The following PBX1 variants were observed in gnomAD, a reference collection of about 807,000 sequenced individuals.
PBX1 encodes the protein PBX homeobox 1.
A neutral mutation model predicts 53.4 loss-of-function variants in PBX1; 6 were observed. That is an observed-to-expected ratio of 0.11 (90% CI 0.06 to 0.22). The LOEUF (loss-of-function observed/expected upper bound fraction) is 0.22, where lower values mean the gene tolerates loss of function less well. Ranked by LOEUF, PBX1 falls within the 10% of genes least tolerant of loss-of-function variation. The probability of loss-of-function intolerance (pLI) is 1.00; values close to 1 mark genes in which losing one functional copy is unlikely to be tolerated. For synonymous variants in PBX1, 204 were observed against 212.3 expected (o/e 0.96, Z 0.34); for missense variants, 251 against 551.4 (o/e 0.46, Z 5.46).
At chr1:164,747,507 C>G (rs1244714852) in intron 2 of PBX1, among the ~76,000 whole-genome samples, 2 of 152,050 alleles carry the variant, frequency 1.3e-5, no homozygotes, top group Non-Finnish European at 2.9e-5. Flanking sequence ...GCTAGATAGA[C>G]TTTAGGTTAG....
At chr1:164,650,324 G>A (rs1431086987) in intron 2 of PBX1, among the ~76,000 whole-genome samples, 1 of 151,760 alleles carries the variant, frequency 6.6e-6, no homozygotes, top group Non-Finnish European at 1.5e-5. Flanking sequence ...CGCCTCCCAG[G>A]TTCAATAGAT....
At chr1:164,846,105 T>C (rs554671592) in intron 8 of PBX1, among the ~76,000 whole-genome samples, 80 of 152,164 alleles carry the variant, frequency 5.3e-4, no homozygotes, top group South Asian at 1.5e-3. Flanking sequence ...GCAGAACAAA[T>C]ACCTGGAATC....
intron 2 of PBX1, among the ~76,000 whole-genome samples, chr1:164,677,130 G>C (rs940229014): frequency 3.4e-5 from 5 of 146,830 alleles, no homozygotes; most frequent in Non-Finnish European, 7.4e-5. Context: ...CTGTCGCCCA[G>C]GCCGGACTGC....
At chr1:164,611,754 C>T (rs1656949987) in intron 2 of PBX1, among the ~76,000 whole-genome samples, 1 of 152,074 alleles carries the variant, frequency 6.6e-6, no homozygotes. Context: ...GGTGACATAC[C>T]CCACAGGAAA....
chr1:164,874,751 C>T (rs1229398832), intron 2 of PBX1, among the ~76,000 whole-genome samples: 2 of 152,158 alleles, frequency 1.3e-5, no homozygotes, highest in Non-Finnish European at 2.9e-5. Context: ...GCCTTGGCCT[C>T]CCAAATTGCT....
At chr1:164,739,365 T>C (rs1049849119) in intron 2 of PBX1, among the ~76,000 whole-genome samples, 2 of 152,140 alleles carry the variant, frequency 1.3e-5, no homozygotes, top group Non-Finnish European at 2.9e-5. Flanking sequence ...CGGCTGCTGA[T>C]GTGTTACCTA....
Position 164,847,904 on chromosome 1 carries a change from C to T in PBX1, c.*1228C>T. The T allele has an allele frequency of 9.5e-7, 1 of 1,054,772 alleles. No homozygotes were observed. The highest frequency in any genetic ancestry group is 1.1e-6 in the Non-Finnish European group (1 of 872,582). 65.3% of individuals were successfully genotyped at this position (1,054,772 alleles called of 1,614,324 possible). A position where few individuals can be genotyped will look rare whatever the true frequency, so the allele number is the denominator to read the frequency against. On this transcript the variant is annotated 3_prime_UTR_variant, in exon 9 of 9. Transcript: ENST00000420696. ...GTGTAAACTACTCTTGTTCCCACCA[C>T]CTCTGGAGCACTCAGGGAGCCCCAT...
intron 2 of PBX1, among the ~76,000 whole-genome samples, chr1:164,760,941 T>C (rs2800795): frequency 0.35 from 52,873 of 152,152 alleles, 10,611 homozygotes; most frequent in Middle Eastern, 0.47. Flanking sequence ...TGTATAATCA[T>C]TGTTGTTATT....
chr1:164,746,932 G>A (rs1380290341), intron 2 of PBX1, among the ~76,000 whole-genome samples: 5 of 152,048 alleles, frequency 3.3e-5, no homozygotes, highest in Non-Finnish European at 7.4e-5. Context: ...TTTGCATATC[G>A]GGCTTCTTAG....
intron 2 of PBX1, among the ~76,000 whole-genome samples, chr1:164,675,560 T>C (rs1267451813): frequency 1.3e-5 from 2 of 152,166 alleles, no homozygotes; most frequent in African/African-American, 2.4e-5. Context: ...TGGGAACTTT[T>C]TTCATCAGTA....
At chr1:164,564,750 C>T (rs868655755) in intron 2 of PBX1, among the ~76,000 whole-genome samples, 6 of 151,906 alleles carry the variant, frequency 3.9e-5, no homozygotes, top group African/African-American at 1.4e-4. Context: ...AGAGTTTTTT[C>T]CAGTTTGTCA....
chr1:164,745,759 C>T (rs1665858668), intron 2 of PBX1, among the ~76,000 whole-genome samples: 1 of 152,234 alleles, frequency 6.6e-6, no homozygotes, highest in Non-Finnish European at 1.5e-5. Flanking sequence ...AGCCCATCTG[C>T]GATAGGACTT....
At chr1:164,823,194 T>G (rs1670246982) in intron 8 of PBX1, among the ~76,000 whole-genome samples, 1 of 152,204 alleles carries the variant, frequency 6.6e-6, no homozygotes, top group Non-Finnish European at 1.5e-5. Context: ...CTTCCCATCT[T>G]GTGCTTGTTC....
intron 2 of PBX1, among the ~76,000 whole-genome samples, chr1:164,875,666 C>T (rs1161913332): frequency 2.0e-5 from 3 of 152,100 alleles, no homozygotes; most frequent in Non-Finnish European, 2.9e-5. Context: ...CACCGGCAGG[C>T]TCAGTCACTG....
intron 2 of PBX1, among the ~76,000 whole-genome samples, chr1:164,724,003 A>G (rs970755527): frequency 6.6e-6 from 1 of 152,174 alleles, no homozygotes; most frequent in Non-Finnish European, 1.5e-5. Context: ...CTGTGGGTCT[A>G]CCTGAACACG....
intron 2 of PBX1, among the ~76,000 whole-genome samples, chr1:164,786,518 G>A (rs1310794449): frequency 6.6e-6 from 1 of 152,156 alleles, no homozygotes; most frequent in African/African-American, 2.4e-5. Flanking sequence ...ACCCAATACA[G>A]TGGCTCTAAC....
rs80276913 is a variant in PBX1 at position 164,587,542 on chromosome 1, A to AT, written c.265+24242dup. Among the ~76,000 whole-genome samples the AT allele has an allele frequency of 3.2e-4, 47 of 147,246 alleles. No homozygotes were observed. The East Asian group carries it at 4.2e-3, about 13-fold the overall frequency. On this transcript the variant is annotated intron_variant, in intron 2 of 8. Coordinates refer to ENST00000420696, the MANE Select transcript of PBX1 (RefSeq NM_002585.4). Reference sequence around the variant, plus strand: ...TTAGCTGATGATCTTTGTGTGTCTGATTTTTTTTTTTAAGAGTAAGGATGT... The same window carrying AT: ...TTAGCTGATGATCTTTGTGTGTCTGATTTTTTTTTTTTAAGAGTAAGGATGT...
intron 5 of PBX1, among the ~76,000 whole-genome samples, chr1:164,809,382 CA>C (rs1669500809): frequency 6.6e-6 from 1 of 152,208 alleles, no homozygotes; most frequent in Admixed American, 6.5e-5. Flanking sequence ...CTGTCCATGC[CA>C]AAGTCATGCC....
chr1:164,700,459 G>A (rs1663053192), intron 2 of PBX1: 1 of 985,224 alleles, frequency 1.0e-6, no homozygotes, highest in South Asian at 4.7e-5. Context: ...GGAGATTCAT[G>A]TTACTTGATT....
Sources: allele counts gnomAD v4.1 joint callset (sites outside exome capture counted in the v4.1 genomes callset), GRCh38; gene constraint gnomAD v4.1.1; transcripts MANE v1.5; gene names NCBI Gene and HGNC (gene_info 2026-07-23, HGNC 2026-07-21).